The following NR3C1 variants were observed in gnomAD, a reference collection of about 807,000 sequenced individuals.
The protein encoded by NR3C1 is glucocorticoid receptor.
A neutral mutation model predicts 74.0 loss-of-function variants in NR3C1; 14 were observed. That is an observed-to-expected ratio of 0.19 (90% CI 0.12 to 0.30). NR3C1 has a LOEUF of 0.30. Among genes scored for constraint, NR3C1 ranks in the 10% least tolerant of loss-of-function variants. The pLI is 1.00. For missense variants in NR3C1, 695 were observed against 909.8 expected, an observed-to-expected ratio of 0.76 and a Z score of 3.04; for synonymous variants, 308 against 332.5, an observed-to-expected ratio of 0.93 and a Z score of 0.80.
intron 2 of NR3C1, among the ~76,000 whole-genome samples, chr5:143,350,349 G>A (rs1454056539): frequency 5.3e-5 from 8 of 152,108 alleles, no homozygotes; most frequent in Non-Finnish European, 8.8e-5. Context: ...AAGGGTTTGC[G>A]AGGTATTTAT....
intron 2 of NR3C1, among the ~76,000 whole-genome samples, chr5:143,350,238 T>C (rs1829993188): frequency 6.6e-6 from 1 of 152,118 alleles, no homozygotes; most frequent in African/African-American, 2.4e-5. Flanking sequence ...AGAATATAGA[T>C]TGAAGATGAC....
rs61751175 is a variant in NR3C1, at chr5:143,395,972, T to G, written c.1184+3684A>C. Among the ~76,000 whole-genome samples the G allele has an allele frequency of 2.0e-4, 31 of 152,032 alleles. No homozygotes were observed. In the East Asian group the frequency reaches 5.2e-3, roughly 26 times the overall value. ...TTAACCTACATTTATGCAAGGTATA[T>G]TTCAGAATAAGTCTTTCATAAAATG... On this transcript the variant is annotated intron_variant, in intron 2 of 8. Coordinates refer to ENST00000394464, the MANE Select transcript of NR3C1 (RefSeq NM_000176.3).
upstream of NR3C1, among the ~76,000 whole-genome samples, chr5:143,407,929 C>T (rs1841169116): frequency 6.6e-6 from 1 of 152,164 alleles, no homozygotes; most frequent in African/African-American, 2.4e-5. Context: ...CTTTACCTAC[C>T]CCTTTGTAGA....
rs6196 is a variant in NR3C1, at chr5:143,281,925, A to G, written c.2298T>C (p.Asn766=). The change falls in exon 9 of 9, where the codon AAT becomes AAC. Residue 766 remains asparagine (N), a synonymous_variant. Transcript: ENST00000394464. ...IITNQIPKYS[N]GNIKKLLFHQ... ...GAAACAGAAGTTTTTTGATATTTCCATTTGAATATTTTGGTATCTGATTGG... is the reference window on the plus strand; with the variant it reads ...GAAACAGAAGTTTTTTGATATTTCCGTTTGAATATTTTGGTATCTGATTGG... 242,226 of 1,613,080 alleles carry G rather than the reference A, an allele frequency of 0.15. 19,890 individuals carry two copies. Among genetic ancestry groups the G allele is most frequent in the African/African-American group, 0.18 (13,337 of 74,956 alleles).
chr5:143,380,248 AT>A (rs1174186353), intron 2 of NR3C1, among the ~76,000 whole-genome samples: 1 of 152,244 alleles, frequency 6.6e-6, no homozygotes, highest in African/African-American at 2.4e-5. Context: ...AGACTGAAAA[AT>A]AAGACCTGAT....
chr5:143,289,514 A>G (rs1815356438), intron 7 of NR3C1, among the ~76,000 whole-genome samples: 1 of 152,234 alleles, frequency 6.6e-6, no homozygotes. Flanking sequence ...GATTAAGCAA[A>G]ACTTTCTTAG....
chr5:143,355,034 AG>A (rs1242938546), intron 2 of NR3C1, among the ~76,000 whole-genome samples: 6 of 152,200 alleles, frequency 3.9e-5, no homozygotes, highest in Admixed American at 1.3e-4. Flanking sequence ...TGTGACACAG[AG>A]ACACAAAATG....
intron 2 of NR3C1, among the ~76,000 whole-genome samples, chr5:143,345,217 T>C (rs542089248): frequency 2.0e-5 from 3 of 152,224 alleles, no homozygotes; most frequent in South Asian, 2.1e-4. Flanking sequence ...CAAATTATTA[T>C]TATTGTTTTT....
At chr5:143,408,917 A>C (rs1044802042) in intron 1 of NR3C1, 1 of 152,172 alleles carries the variant, frequency 6.6e-6, no homozygotes, top group African/African-American at 2.4e-5. Flanking sequence ...ACTTGACGCA[A>C]CTGTAAGTCA....
At chr5:143,367,385 C>G (rs892306043) in intron 2 of NR3C1, among the ~76,000 whole-genome samples, 3 of 152,180 alleles carry the variant, frequency 2.0e-5, no homozygotes, top group African/African-American at 7.2e-5. Context: ...CTATTCAACA[C>G]TGCACTGGAG....
upstream of NR3C1, among the ~76,000 whole-genome samples, chr5:143,408,519 T>G (rs1282938078): frequency 2.0e-5 from 3 of 150,368 alleles, no homozygotes; most frequent in Non-Finnish European, 4.4e-5. Flanking sequence ...ACTGAAAGTG[T>G]TTTAGATTTT....
At chr5:143,324,253 C>A (rs556516924) in intron 2 of NR3C1, among the ~76,000 whole-genome samples, 1 of 152,248 alleles carries the variant, frequency 6.6e-6, no homozygotes, top group Non-Finnish European at 1.5e-5. Flanking sequence ...AATACTTCTG[C>A]CTGGGCATCT....
In NR3C1 at chr5:143,351,505, T is replaced by G. The variant is rs534225077; in HGVS notation, c.1185-37337A>C. On this transcript the variant is annotated intron_variant, in intron 2 of 8. Coordinates refer to ENST00000394464, the MANE Select transcript of NR3C1 (RefSeq NM_000176.3). ...GAGGAAAAAAAGATGTGTCCAGGGCTCTCTTCATTTATTCACCAAAATGAA... is the reference window on the plus strand; with the variant it reads ...GAGGAAAAAAAGATGTGTCCAGGGCGCTCTTCATTTATTCACCAAAATGAA... 2.2e-4 allele frequency among the ~76,000 whole-genome samples: 34 copies of G among 152,312 alleles called. No homozygotes were observed. In the South Asian group the frequency reaches 6.8e-3, roughly 31 times the overall value.
chr5:143,404,056 C>T (rs1164235476), upstream of NR3C1: 2 of 985,458 alleles, frequency 2.0e-6, no homozygotes, highest in African/African-American at 1.7e-5. Context: ...ACCTCCTTCC[C>T]GCCCCCGCCC....
At chr5:143,302,581 A>G (rs1019123649) in intron 4 of NR3C1, among the ~76,000 whole-genome samples, 2 of 152,074 alleles carry the variant, frequency 1.3e-5, no homozygotes, top group African/African-American at 4.8e-5. Flanking sequence ...AGGAAGAAAG[A>G]GTAACAAGCT....
chr5:143,405,076 G>GC (rs1038436610), upstream of NR3C1: 187 of 971,612 alleles, frequency 1.9e-4, no homozygotes, highest in Admixed American at 3.7e-4. Flanking sequence ...CGTGCGGGAA[G>GC]CCCCCGCCCC....
intron 2 of NR3C1, among the ~76,000 whole-genome samples, chr5:143,322,292 A>G (rs1397973508): frequency 6.6e-6 from 1 of 152,208 alleles, no homozygotes; most frequent in African/African-American, 2.4e-5. Flanking sequence ...CACCAACATC[A>G]GTGTTCTTAA....
intron 2 of NR3C1, among the ~76,000 whole-genome samples, chr5:143,314,814 G>A (rs1221890959): frequency 1.3e-5 from 2 of 152,108 alleles, no homozygotes; most frequent in Middle Eastern, 3.2e-3. Context: ...ACTCAGAGAA[G>A]ACTGATCCAG....
At chr5:143,427,985 A>C (rs1399489616) in intron 1 of NR3C1, among the ~76,000 whole-genome samples, 24 of 152,248 alleles carry the variant, frequency 1.6e-4, no homozygotes, top group Admixed American at 1.4e-3. Context: ...TAATATAAGT[A>C]TGTCTATGAA....
Sources: allele counts gnomAD v4.1 joint callset (sites outside exome capture counted in the v4.1 genomes callset), GRCh38; gene constraint gnomAD v4.1.1; transcripts MANE v1.5; gene names NCBI Gene and HGNC (gene_info 2026-07-23, HGNC 2026-07-21).